The following RNF216 variants were observed in gnomAD, a reference collection of about 807,000 sequenced individuals.
RNF216 encodes the protein ring finger protein 216.
A neutral mutation model predicts 110.8 loss-of-function variants in RNF216; 72 were observed. The observed-to-expected ratio is 0.65, with a 90% confidence interval of 0.54 to 0.79. The LOEUF is 0.79. RNF216 is among the 30% of genes least tolerant of loss of function. RNF216 has a pLI of 0.00. For synonymous variants in RNF216, 495 were observed against 407.5 expected, an observed-to-expected ratio of 1.21 and a Z score of -2.59; for missense variants, 1,342 against 1,141.2, an observed-to-expected ratio of 1.18 and a Z score of -2.54.
intron 13 of RNF216, among the ~76,000 whole-genome samples, chr7:5,664,958 G>A (rs539172320): frequency 6.6e-6 from 1 of 152,214 alleles, no homozygotes; most frequent in East Asian, 1.9e-4. Context: ...CACCAGGCCT[G>A]GCTAATTTTT....
rs1289811334 is a variant in RNF216, at chr7:5,743,643, TATGTACCCAC to T, written c.202-1838_202-1829del. Among the ~76,000 whole-genome samples the T allele has an allele frequency of 6.6e-5, 10 of 152,220 alleles. No individual in the cohort carries two copies. In the South Asian group the frequency reaches 1.7e-3, roughly 25 times the overall value. On this transcript the variant is annotated intron_variant, in intron 3 of 16. Transcript: ENST00000389902. ...ACAAAATCATTTCTAAAAGTATGTA[TATGTACCCAC>T]ATGTATATACACATGGATACATACA...
At position 5,634,056 on chromosome 7, in the gene RNF216, GCTGA is replaced by G. The variant is rs1344667353; in HGVS notation, c.2382+7094_2382+7097del. Among the ~76,000 whole-genome samples, 4 of 152,236 alleles carry G rather than the reference GCTGA, an allele frequency of 2.6e-5. No homozygotes were observed. In the East Asian group the frequency reaches 5.8e-4, roughly 22 times the overall value. On this transcript the variant is annotated intron_variant, in intron 15 of 16. Coordinates refer to ENST00000389902, the MANE Select transcript of RNF216 (RefSeq NM_207111.4). The stretch of plus-strand genomic sequence containing the variant: ...TATGAACAGTAATCAGCAGCCACAG[GCTGA>G]CTGTTCCCAAAATAACCATTTGAGC...
intron 13 of RNF216, among the ~76,000 whole-genome samples, chr7:5,657,048 C>A (rs147138829): frequency 6.6e-6 from 1 of 152,236 alleles, no homozygotes; most frequent in African/African-American, 2.4e-5. Context: ...GGAAGGTGTC[C>A]GTCCCCATGC....
At chr7:5,761,886 G>C (rs1375097818) in intron 1 of RNF216, among the ~76,000 whole-genome samples, 1 of 152,138 alleles carries the variant, frequency 6.6e-6, no homozygotes, top group Non-Finnish European at 1.5e-5. Context: ...GGTTTGAAGA[G>C]TAACTTGGAA....
chr7:5,646,961 G>A (rs180882523), intron 14 of RNF216, among the ~76,000 whole-genome samples: 97 of 152,296 alleles, frequency 6.4e-4, no homozygotes, highest in African/African-American at 2.3e-3. Context: ...TTCTGAGCAT[G>A]TGTTGAGCCC....
In RNF216 at chr7:5,738,087, C is replaced by CAAAAAAA. The variant is rs200643372; in HGVS notation, c.1121+1182_1121+1188dup. 8.5e-4 allele frequency among the ~76,000 whole-genome samples: 94 copies of CAAAAAAA among 110,968 alleles called. 3 individuals carry two copies. Among genetic ancestry groups the CAAAAAAA allele is most frequent in the African/African-American group, 3.3e-3 (84 of 25,262 alleles). 72.8% of individuals were successfully genotyped at this position (110,968 alleles called of 152,430 possible). On this transcript the variant is annotated intron_variant, in intron 5 of 16. Transcript: ENST00000389902. ...CTGGGCAACAGAATAAGACTGTCTC[C>CAAAAAAA]AAAAAAAAAAAAAAAAAAAAAAAAA...
At chr7:5,750,341 T>A (rs527584783) in intron 3 of RNF216, among the ~76,000 whole-genome samples, 1 of 152,218 alleles carries the variant, frequency 6.6e-6, no homozygotes, top group African/African-American at 2.4e-5. Flanking sequence ...AAAGACCAAT[T>A]TGAGATTCCT....
intron 13 of RNF216, among the ~76,000 whole-genome samples, chr7:5,697,898 A>T (rs1791726524): frequency 6.6e-6 from 1 of 152,184 alleles, no homozygotes; most frequent in Admixed American, 6.5e-5. Flanking sequence ...AGTCTAACAG[A>T]GCAGGGGAGA....
intron 15 of RNF216, among the ~76,000 whole-genome samples, chr7:5,637,256 C>A (rs957997088): frequency 6.6e-6 from 1 of 152,178 alleles, no homozygotes; most frequent in African/African-American, 2.4e-5. Flanking sequence ...CCACTGTGGG[C>A]TGCACCTCCC....
rs1470758427 is a variant in RNF216 at position 5,741,491 on chromosome 7, G to A, written c.526C>T (p.Gln176Ter). 2 of 1,614,148 alleles carry A rather than the reference G, an allele frequency of 1.2e-6. No individual in the cohort carries two copies. The highest frequency in any genetic ancestry group is 3.3e-5 in the Admixed American group (2 of 60,006). ...CCTTCTTCCAAGATGATGACTTTCT[G>A]CTCTGATCTGGGGTTGACAATGTCA... ...ANDIVNPRSE[Q>*]KVIILEEGSL... is the part of the protein sequence containing the mutation. Residue 176 changes from glutamine to a stop codon, truncating the protein, a stop_gained, in exon 4 of 17, where the codon CAG becomes TAG. Coordinates refer to ENST00000389902, the MANE Select transcript of RNF216 (RefSeq NM_207111.4). LOFTEE classifies it high-confidence loss of function.
At chr7:5,755,677 CAT>C (rs995197703) in intron 2 of RNF216, among the ~76,000 whole-genome samples, 15 of 152,162 alleles carry the variant, frequency 9.9e-5, no homozygotes, top group African/African-American at 3.6e-4. Flanking sequence ...ATGAATATAA[CAT>C]AAAATTATTC....
At chr7:5,661,238 C>T (rs1323748849) in intron 13 of RNF216, among the ~76,000 whole-genome samples, 2 of 152,200 alleles carry the variant, frequency 1.3e-5, no homozygotes, top group Non-Finnish European at 2.9e-5. Context: ...CTGCGCCCAG[C>T]CCCTGCAGGC....
At chr7:5,724,645 C>A (rs1793639927) in intron 8 of RNF216, among the ~76,000 whole-genome samples, 1 of 152,174 alleles carries the variant, frequency 6.6e-6, no homozygotes, top group African/African-American at 2.4e-5. Flanking sequence ...ATAGTAAATA[C>A]AAATACTTTC....
chr7:5,671,511 A>G (rs1163435780), intron 13 of RNF216, among the ~76,000 whole-genome samples: 2 of 152,150 alleles, frequency 1.3e-5, no homozygotes, highest in Non-Finnish European at 2.9e-5. Flanking sequence ...GCCTTATAAG[A>G]AGGACAGAGA....
intron 14 of RNF216, among the ~76,000 whole-genome samples, chr7:5,644,721 T>C (rs375109786): frequency 2.3e-4 from 35 of 152,330 alleles, no homozygotes; most frequent in African/African-American, 8.2e-4. Context: ...TCCAGGCTGG[T>C]CTTAAACTCC....
At chr7:5,760,079 C>T (rs918519229) in intron 2 of RNF216, among the ~76,000 whole-genome samples, 2 of 151,324 alleles carry the variant, frequency 1.3e-5, no homozygotes, top group African/African-American at 2.5e-5. Context: ...AAGGATTCTA[C>T]ACCTCAGCAT....
intron 13 of RNF216, among the ~76,000 whole-genome samples, chr7:5,694,738 T>C (rs541736618): frequency 3.9e-4 from 59 of 152,342 alleles, no homozygotes; most frequent in African/African-American, 1.4e-3. Context: ...TGTAGCTGCG[T>C]AGCTTGTGTT....
chr7:5,749,446 G>A (rs745900637), intron 3 of RNF216, among the ~76,000 whole-genome samples: 3 of 152,062 alleles, frequency 2.0e-5, no homozygotes, highest in Non-Finnish European at 4.4e-5. Context: ...CCACCACGTC[G>A]GGCCTATATG....
rs1786257902 is a variant in RNF216, at chr7:5,620,064, A to G, written c.*2796T>C. Reference sequence around the variant, plus strand: ...GCTGGAGGGAGCAGAGCGCACAAACATTTATTTACAAAAGTCCCAGTTACA... The same window carrying G: ...GCTGGAGGGAGCAGAGCGCACAAACGTTTATTTACAAAAGTCCCAGTTACA... On this transcript the variant is annotated 3_prime_UTR_variant, in exon 17 of 17. Coordinates refer to ENST00000389902, the MANE Select transcript of RNF216 (RefSeq NM_207111.4). 1 of 152,240 alleles carries G rather than the reference A, an allele frequency of 6.6e-6. No homozygotes were observed. The highest frequency in any genetic ancestry group is 1.5e-5 in the Non-Finnish European group (1 of 68,036). 9.4% of individuals were successfully genotyped at this position (152,240 alleles called of 1,614,324 possible).
Sources: gnomAD v4.1 joint callset for allele counts (sites outside exome capture counted in the v4.1 genomes callset) on GRCh38, gnomAD v4.1.1 for gene constraint, MANE v1.5 for transcripts, NCBI Gene and HGNC (gene_info 2026-07-23, HGNC 2026-07-21) for gene names.